The following PNPLA1 variants were observed in gnomAD, a reference collection of about 807,000 sequenced individuals.
PNPLA1 encodes omega-hydroxyceramide transacylase.
Under a neutral mutation model 51.7 loss-of-function variants are expected in PNPLA1, and 36 were observed. The observed-to-expected ratio is 0.70, with a 90% CI of 0.53 to 0.92. PNPLA1 has a LOEUF of 0.92. Among genes scored for constraint, PNPLA1 ranks in the 40% least tolerant of loss-of-function variants. The pLI, the probability that PNPLA1 is intolerant of heterozygous loss-of-function variation, is 0.00. For missense variants in PNPLA1, 658 were observed against 682.5 expected (o/e 0.96, Z 0.40); for synonymous variants, 293 against 280.1 (o/e 1.05, Z -0.46).
rs1447722154 is a variant in PNPLA1, at chr6:36,313,342, C to T, written c.*1456C>T. Among the ~76,000 whole-genome samples the T allele has an allele frequency of 1.3e-5, 2 of 152,144 alleles. No individual in the cohort carries two copies. Among genetic ancestry groups the T allele is most frequent in the Non-Finnish European group, 2.9e-5 (2 of 68,016 alleles). ...CAGAGAGCAGACAACCTCCAGGTCCCGCCAGGCCCAGCAAGGAAGCCCCAG... is the reference window on the plus strand; with the variant it reads ...CAGAGAGCAGACAACCTCCAGGTCCTGCCAGGCCCAGCAAGGAAGCCCCAG... On this transcript the variant is annotated 3_prime_UTR_variant, in exon 9 of 9. Transcript: ENST00000636260.
At chr6:36,300,632 C>T (rs895977441) in intron 5 of PNPLA1, among the ~76,000 whole-genome samples, 2 of 152,108 alleles carry the variant, frequency 1.3e-5, no homozygotes, top group African/African-American at 2.4e-5. Flanking sequence ...ATTCACATCA[C>T]GTTACCTCAT....
intron 1 of PNPLA1, among the ~76,000 whole-genome samples, chr6:36,282,053 G>T (rs1770304401): frequency 1.2e-5 from 1 of 86,388 alleles, no homozygotes; most frequent in Non-Finnish European, 2.3e-5. Flanking sequence ...AGGAAAGAAA[G>T]AAAGAAAGAA....
intron 7 of PNPLA1, among the ~76,000 whole-genome samples, chr6:36,306,874 C>T (rs1400365743): frequency 3.3e-5 from 5 of 152,312 alleles, no homozygotes; most frequent in East Asian, 1.9e-4. Context: ...TTATTATGCA[C>T]ATCAAGTGTC....
chr6:36,270,497 C>G lies in PNPLA1; in HGVS notation c.38C>G (p.Pro13Arg). 6.4e-7 allele frequency: 1 copy of G among 1,551,512 alleles called. No homozygotes were observed. The change falls in exon 1 of 9, where the codon CCT (proline) becomes CGT (arginine). Residue 13 changes from proline (P) to arginine (R), a missense_variant. Transcript: ENST00000636260. ...GTGTTCAAGGGGGACCCGGACACCC[C>G]TCACTCCATCTCCTTCTCGGGCAGT... ...EQVFKGDPDT[P>R]HSISFSGSGF...
At chr6:36,269,895 C>T (rs148212881), upstream of PNPLA1, among the ~76,000 whole-genome samples, 2 of 152,220 alleles carry the variant, frequency 1.3e-5, no homozygotes, top group African/African-American at 4.8e-5. Context: ...TTGGGGGACC[C>T]GTCCAAAAGA....
intron 1 of PNPLA1, among the ~76,000 whole-genome samples, chr6:36,256,595 G>A (rs1184843352): frequency 2.6e-5 from 4 of 151,900 alleles, no homozygotes; most frequent in Admixed American, 1.3e-4. Context: ...CTACAGGCAC[G>A]TGCCACCATG....
intron 1 of PNPLA1, among the ~76,000 whole-genome samples, chr6:36,253,426 T>C (rs1347850709): frequency 6.6e-6 from 1 of 152,204 alleles, no homozygotes; most frequent in Non-Finnish European, 1.5e-5. Flanking sequence ...ATGGGTTAAC[T>C]AAGTCAAATA....
chr6:36,251,557 C>G lies in PNPLA1; in HGVS notation c.-81+8296C>G, dbSNP rs74904646. Among the ~76,000 whole-genome samples the G allele has an allele frequency of 1.3e-3, 197 of 152,264 alleles. 1 individual carries two copies. The East Asian group carries it at 0.035, about 27-fold the overall frequency. ...GCTGGCACAGATCTCTTTTTCTCTT[C>G]CCCCTGCTGCCAGTGAAGGTTCAGT... is the stretch of plus-strand genomic sequence containing the variant. On this transcript the variant is annotated intron_variant, in intron 1 of 7. Transcript: ENST00000312917.
chr6:36,290,960 C>T (rs1411087160), intron 1 of PNPLA1, among the ~76,000 whole-genome samples: 1 of 152,176 alleles, frequency 6.6e-6, no homozygotes, highest in African/African-American at 2.4e-5. Context: ...CAGTGGACTT[C>T]CAGGCAGAGT....
chr6:36,287,095 C>G (rs528092622), intron 1 of PNPLA1, among the ~76,000 whole-genome samples: 25 of 152,318 alleles, frequency 1.6e-4, no homozygotes, highest in African/African-American at 6.0e-4. Context: ...ATCCATCTAT[C>G]TGGGATGATC....
chr6:36,283,017 T>C (rs1302678071), intron 1 of PNPLA1, among the ~76,000 whole-genome samples: 1 of 152,140 alleles, frequency 6.6e-6, no homozygotes, highest in African/African-American at 2.4e-5. Context: ...AATAATAAAC[T>C]TTTTATTTTG....
At chr6:36,302,731 A>G (rs766080937) in intron 6 of PNPLA1, among the ~76,000 whole-genome samples, 3 of 152,094 alleles carry the variant, frequency 2.0e-5, no homozygotes, top group South Asian at 4.1e-4. Context: ...ACTTGCTAGA[A>G]ATTACAGTTC....
At chr6:36,273,814 T>C (rs1215379892) in intron 1 of PNPLA1, among the ~76,000 whole-genome samples, 1 of 150,384 alleles carries the variant, frequency 6.6e-6, no homozygotes, top group Non-Finnish European at 1.5e-5. Flanking sequence ...TGATGAATAC[T>C]GCTGCAAACC....
intron 1 of PNPLA1, among the ~76,000 whole-genome samples, chr6:36,274,294 T>C (rs1035354393): frequency 2.0e-4 from 31 of 152,150 alleles, no homozygotes; most frequent in African/African-American, 7.5e-4. Flanking sequence ...TACATTCTTA[T>C]CCTTTAAATT....
Position 36,294,142 on chromosome 6 carries a change from G to A in PNPLA1, c.505-48G>A. ...GCCATTTCGATGTACCCCGAGTGGG[G>A]CTGAGAACTCTGGCCCCAAGTGGGC... On this transcript the variant is annotated intron_variant, in intron 3 of 8. Coordinates refer to ENST00000636260, the MANE Select transcript of PNPLA1 (RefSeq NM_001374623.1). The surrounding 1 kb of genome is among the most constrained non-coding windows in gnomAD (Gnocchi z 4.2). 1 of 1,604,776 alleles carries A rather than the reference G, an allele frequency of 6.2e-7. No individual in the cohort carries two copies. The highest frequency in any genetic ancestry group is 1.1e-5 in the South Asian group (1 of 90,300).
chr6:36,301,174 G>A (rs542797335), intron 5 of PNPLA1, among the ~76,000 whole-genome samples: 23 of 125,450 alleles, frequency 1.8e-4, no homozygotes, highest in African/African-American at 4.3e-4. Context: ...AAGCTGGAGC[G>A]TAGTGGCACG....
chr6:36,251,793 T>A (rs1020811400), intron 1 of PNPLA1, among the ~76,000 whole-genome samples: 3 of 151,968 alleles, frequency 2.0e-5, no homozygotes, highest in African/African-American at 7.3e-5. Flanking sequence ...AATTTTTTTT[T>A]AATTAGCCAG....
chr6:36,251,917 C>T (rs1051769982), intron 1 of PNPLA1, among the ~76,000 whole-genome samples: 19 of 152,090 alleles, frequency 1.2e-4, no homozygotes, highest in African/African-American at 4.3e-4. Context: ...TGTACTTCAG[C>T]CTGGATGACA....
In PNPLA1 at chr6:36,313,505, G is replaced by A. The variant is rs1423894875; in HGVS notation, c.*1619G>A. Among the ~76,000 whole-genome samples the A allele has an allele frequency of 6.6e-6, 1 of 152,302 alleles. No individual in the cohort carries two copies. The highest frequency in any genetic ancestry group is 2.1e-4 in the South Asian group (1 of 4,820). On this transcript the variant is annotated 3_prime_UTR_variant, in exon 9 of 9. Coordinates refer to ENST00000636260, the MANE Select transcript of PNPLA1 (RefSeq NM_001374623.1). The stretch of plus-strand genomic sequence containing the variant: ...CAAATTTAAGCCTGGTGGGGCTGGG[G>A]ATTTAGAGGGTTGGGGCTTGGCTGC...
Sources: allele counts gnomAD v4.1 joint callset (sites outside exome capture counted in the v4.1 genomes callset), GRCh38; gene constraint gnomAD v4.1.1; non-coding constraint Gnocchi (gnomAD v3.1); transcripts MANE v1.5; gene names NCBI Gene and HGNC (gene_info 2026-07-23, HGNC 2026-07-21).